The following SPATA13 variants were observed in gnomAD, a reference collection of about 807,000 sequenced individuals.
SPATA13 encodes the protein spermatogenesis associated 13.
SPATA13 carries 50 observed loss-of-function variants against 104.0 expected under a neutral mutation model. That is an observed-to-expected ratio of 0.48 (90% CI 0.38 to 0.61). The LOEUF is 0.61. SPATA13 is among the 20% of genes least tolerant of loss of function. The pLI is 0.00. For synonymous variants in SPATA13, 606 were observed against 667.5 expected (o/e 0.91, Z 1.42); for missense variants, 1,524 against 1,690.6 (o/e 0.90, Z 1.73).
chr13:24,122,131 G>C, intron 3 of SPATA13: 1 of 1,611,914 alleles, frequency 6.2e-7, no homozygotes, highest in Non-Finnish European at 8.5e-7. Flanking sequence ...CACTGAATTT[G>C]TATCCTCCAT....
intron 1 of SPATA13, among the ~76,000 whole-genome samples, chr13:24,203,736 T>G (rs1194990544): frequency 2.0e-5 from 3 of 152,202 alleles, no homozygotes; most frequent in East Asian, 3.8e-4. Context: ...GGAAAGACAC[T>G]TTTTTATATT....
chr13:24,230,315 T>C (rs1012312796), intron 2 of SPATA13, among the ~76,000 whole-genome samples: 1 of 152,130 alleles, frequency 6.6e-6, no homozygotes, highest in Non-Finnish European at 1.5e-5. Flanking sequence ...GAGAGGAATG[T>C]GTGCAGGTCA....
intron 3 of SPATA13, among the ~76,000 whole-genome samples, chr13:24,140,146 A>G (rs1161250704): frequency 6.6e-6 from 1 of 152,094 alleles, no homozygotes; most frequent in Non-Finnish European, 1.5e-5. Context: ...ATAACCTAGG[A>G]CTGCAAATGC....
intron 12 of SPATA13, among the ~76,000 whole-genome samples, chr13:24,302,337 C>T (rs956264481): frequency 5.9e-5 from 9 of 151,844 alleles, no homozygotes; most frequent in Admixed American, 4.6e-4. Context: ...TGGCACACAC[C>T]TGTAGGTCCA....
chr13:24,116,769 GCCC>G (rs68080717), intron 3 of SPATA13, among the ~76,000 whole-genome samples: 72 of 141,506 alleles, frequency 5.1e-4, no homozygotes, highest in African/African-American at 1.7e-3. Flanking sequence ...AGCCCTACCA[GCCC>G]CCCCCCCCCA....
chr13:24,014,401 C>A (rs912212299), intron 2 of SPATA13, among the ~76,000 whole-genome samples: 2 of 152,152 alleles, frequency 1.3e-5, no homozygotes, highest in South Asian at 4.1e-4. Flanking sequence ...CTGCATGTAA[C>A]CTTTGACTCC....
At position 24,281,945 on chromosome 13, in the gene SPATA13, T is replaced by G. The variant is rs1356515288; in HGVS notation, c.2165-2190T>G. Reference sequence around the variant, plus strand: ...CTCATCATGACAGCCCTGTCTGTGCTTGGCAAGGAAGACCTAAAATGCTGG... The same window carrying G: ...CTCATCATGACAGCCCTGTCTGTGCGTGGCAAGGAAGACCTAAAATGCTGG... On this transcript the variant is annotated intron_variant, in intron 4 of 12. Coordinates refer to ENST00000382108, the MANE Select transcript of SPATA13 (RefSeq NM_001166271.3). 2.0e-5 allele frequency among the ~76,000 whole-genome samples: 3 copies of G among 152,356 alleles called. No individual in the cohort carries two copies. The East Asian group carries it at 5.8e-4, about 29-fold the overall frequency.
chr13:24,223,980 C>A lies in SPATA13; in HGVS notation c.1051C>A (p.Leu351Ile). 1.3e-6 allele frequency: 2 copies of A among 1,549,288 alleles called. No individual in the cohort carries two copies. The highest frequency in any genetic ancestry group is 1.7e-6 in the Non-Finnish European group (2 of 1,145,544). The change falls in exon 2 of 13, where the codon CTT becomes ATT. Residue 351 changes from leucine (L) to isoleucine (I), a missense_variant. Coordinates refer to ENST00000382108, the MANE Select transcript of SPATA13 (RefSeq NM_001166271.3). ...ATCCCCTGGAGAGGCCAGCCTGAGA[C>A]TTCAGGCACACAGCCGGCTGCATGA... ...APSPGEASLR[L>I]QAHSRLHDDY...
At chr13:24,095,528 G>C (rs1193002966) in intron 3 of SPATA13, among the ~76,000 whole-genome samples, 1 of 152,200 alleles carries the variant, frequency 6.6e-6, no homozygotes, top group Non-Finnish European at 1.5e-5. Context: ...GAATGCACCT[G>C]ATGCCACGGA....
chr13:24,152,112 GTA>G (rs1327932451), intron 3 of SPATA13, among the ~76,000 whole-genome samples: 2 of 152,204 alleles, frequency 1.3e-5, no homozygotes, highest in Non-Finnish European at 2.9e-5. Flanking sequence ...CTTAGACTCA[GTA>G]ATTTATGGAC....
chr13:24,297,246 C>T lies in SPATA13; in HGVS notation c.3211-117C>T. On this transcript the variant is annotated intron_variant, in intron 10 of 12. Coordinates refer to ENST00000382108, the MANE Select transcript of SPATA13 (RefSeq NM_001166271.3). ...GTGGAGATGGGGTCTTGCTGTGTTG[C>T]CCAGGCTGGTCTCAAACTCTTGGCC... 3 of 1,253,292 alleles carry T rather than the reference C, an allele frequency of 2.4e-6. No homozygotes were observed. The South Asian group carries it at 4.5e-5, about 19-fold the overall frequency. 77.6% of individuals were successfully genotyped at this position (1,253,292 alleles called of 1,614,324 possible).
At chr13:24,207,102 C>A (rs1479253683) in intron 1 of SPATA13, among the ~76,000 whole-genome samples, 1 of 152,060 alleles carries the variant, frequency 6.6e-6, no homozygotes, top group African/African-American at 2.4e-5. Flanking sequence ...TTATCCTCAG[C>A]AAACTAAAGC....
chr13:24,127,590 G>A (rs138861720), intron 3 of SPATA13, among the ~76,000 whole-genome samples: 266 of 152,320 alleles, frequency 1.7e-3, no homozygotes, highest in African/African-American at 5.8e-3. Context: ...ACTGTGATGA[G>A]TCATTCAAGT....
chr13:24,140,186 C>T (rs1881715586), intron 3 of SPATA13, among the ~76,000 whole-genome samples: 2 of 151,946 alleles, frequency 1.3e-5, no homozygotes, highest in South Asian at 4.1e-4. Flanking sequence ...TGTAGGGGTA[C>T]ACAGTTCTTC....
chr13:24,254,340 G>A (rs888721788), intron 4 of SPATA13: 1 of 152,208 alleles, frequency 6.6e-6, no homozygotes, highest in Non-Finnish European at 1.5e-5. Context: ...GTTTACCCTT[G>A]GTTTCCGGCC....
chr13:24,020,903 A>G (rs1008383203), intron 3 of SPATA13, among the ~76,000 whole-genome samples: 6 of 152,086 alleles, frequency 3.9e-5, no homozygotes, highest in African/African-American at 1.4e-4. Context: ...TTAGCTGGGC[A>G]TGGTGGTGGG....
At chr13:24,004,794 A>G (rs1206067125) in intron 2 of SPATA13, among the ~76,000 whole-genome samples, 1 of 152,178 alleles carries the variant, frequency 6.6e-6, no homozygotes, top group Non-Finnish European at 1.5e-5. Context: ...GTAGGCTAAT[A>G]ATAGTAAGAT....
At chr13:24,099,845 G>C (rs1880198888) in intron 3 of SPATA13, among the ~76,000 whole-genome samples, 2 of 152,224 alleles carry the variant, frequency 1.3e-5, no homozygotes, top group African/African-American at 4.8e-5. Context: ...CAGGGGCTTA[G>C]AAATTTTAAA....
upstream of SPATA13, among the ~76,000 whole-genome samples, chr13:24,157,962 A>T (rs967245016): frequency 6.6e-6 from 1 of 152,202 alleles, no homozygotes; most frequent in Admixed American, 6.5e-5. Flanking sequence ...TGTCTTGAGG[A>T]TTTAAGAAAA....
Sources: gnomAD v4.1 joint callset for allele counts (sites outside exome capture counted in the v4.1 genomes callset) on GRCh38, gnomAD v4.1.1 for gene constraint, MANE v1.5 for transcripts, NCBI Gene and HGNC (gene_info 2026-07-23, HGNC 2026-07-21) for gene names.